Variants in SOX5 observed in about 807,000 individuals in gnomAD.
The protein encoded by SOX5 is SRY-box transcription factor 5.
In SOX5, 9 loss-of-function variants were observed where a neutral mutation model predicts 92.0. That is an observed-to-expected ratio of 0.10 (90% CI 0.06 to 0.17). The LOEUF is 0.17. Among genes scored for constraint, SOX5 ranks in the 10% least tolerant of loss-of-function variants. The pLI is 1.00. For missense variants in SOX5, 642 were observed against 944.5 expected, an observed-to-expected ratio of 0.68 and a Z score of 4.20; for synonymous variants, 344 against 336.3, an observed-to-expected ratio of 1.02 and a Z score of -0.25.
chr12:23,701,014 T>TA (rs1371676680), intron 6 of SOX5, among the ~76,000 whole-genome samples: 1 of 151,938 alleles, frequency 6.6e-6, no homozygotes, highest in Non-Finnish European at 1.5e-5. Flanking sequence ...ATGGAGTATT[T>TA]AAAAGCTTAC....
chr12:23,782,497 A>C (rs1406276222), intron 3 of SOX5, among the ~76,000 whole-genome samples: 1 of 152,140 alleles, frequency 6.6e-6, no homozygotes, highest in Non-Finnish European at 1.5e-5. Flanking sequence ...AAGTATCTAA[A>C]ACTTTCGGAT....
chr12:24,378,009 G>A (rs888771329), intron 1 of SOX5, among the ~76,000 whole-genome samples: 4 of 152,182 alleles, frequency 2.6e-5, no homozygotes, highest in Non-Finnish European at 4.4e-5. Flanking sequence ...TTCCTTACTC[G>A]CCTAAGCACA....
intron 1 of SOX5, among the ~76,000 whole-genome samples, chr12:24,415,025 C>T (rs1324212742): frequency 6.6e-6 from 1 of 152,064 alleles, no homozygotes; most frequent in African/African-American, 2.4e-5. Flanking sequence ...TGTAAAAGCC[C>T]CAAAGTGGCA....
chr12:23,915,812 G>A (rs1458644943), intron 1 of SOX5, among the ~76,000 whole-genome samples: 1 of 152,176 alleles, frequency 6.6e-6, no homozygotes, highest in Admixed American at 6.5e-5. Flanking sequence ...AGTTTCATTC[G>A]AAACTGCTAT....
intron 1 of SOX5, among the ~76,000 whole-genome samples, chr12:24,485,986 T>C (rs1001923112): frequency 3.9e-5 from 6 of 152,236 alleles, no homozygotes; most frequent in African/African-American, 1.4e-4. Flanking sequence ...AGACAGGGTA[T>C]CTGTTGCCCA....
At chr12:23,998,748 C>A (rs549355798) in intron 4 of SOX5, among the ~76,000 whole-genome samples, 30 of 145,548 alleles carry the variant, frequency 2.1e-4, no homozygotes, top group Non-Finnish European at 4.2e-4. Flanking sequence ...TTGCAATGAG[C>A]CGAGATCACG....
intron 3 of SOX5, among the ~76,000 whole-genome samples, chr12:24,247,750 A>G (rs974091763): frequency 2.7e-5 from 4 of 149,436 alleles, no homozygotes; most frequent in Admixed American, 6.7e-5. Context: ...TCCTGGGTTC[A>G]AGCAATTCCC....
chr12:24,288,320 G>A (rs1423823536), intron 2 of SOX5, among the ~76,000 whole-genome samples: 1 of 152,174 alleles, frequency 6.6e-6, no homozygotes, highest in Non-Finnish European at 1.5e-5. Flanking sequence ...TGGATTAGCA[G>A]TATTTTCATT....
intron 3 of SOX5, chr12:23,762,580 T>A (rs1350078437): frequency 1.8e-6 from 1 of 552,004 alleles, no homozygotes; most frequent in Non-Finnish European, 3.2e-6. Flanking sequence ...TTGTTTCCAC[T>A]TGAAAGTTAA....
intron 4 of SOX5, among the ~76,000 whole-genome samples, chr12:24,125,442 C>G (rs923756129): frequency 6.6e-6 from 1 of 152,118 alleles, no homozygotes; most frequent in Non-Finnish European, 1.5e-5. Flanking sequence ...GTTACTGAGG[C>G]CTTATGACAT....
chr12:24,110,439 TAAAC>T (rs1301416929), intron 4 of SOX5, among the ~76,000 whole-genome samples: 2 of 152,236 alleles, frequency 1.3e-5, no homozygotes, highest in African/African-American at 4.8e-5. Context: ...AAAAGTTTGA[TAAAC>T]AAATGGATGA....
intron 6 of SOX5, among the ~76,000 whole-genome samples, chr12:23,673,701 T>C (rs1220819053): frequency 1.3e-5 from 2 of 151,708 alleles, no homozygotes; most frequent in African/African-American, 4.8e-5. Context: ...GCAGTATTCT[T>C]ATGTTGAATT....
At chr12:24,391,989 G>A (rs1340537055) in intron 1 of SOX5, among the ~76,000 whole-genome samples, 1 of 152,036 alleles carries the variant, frequency 6.6e-6, no homozygotes, top group African/African-American at 2.4e-5. Flanking sequence ...CTCCCAATGA[G>A]TATGACTTAA....
chr12:23,623,287 A>G (rs1410836726), intron 8 of SOX5, among the ~76,000 whole-genome samples: 1 of 152,198 alleles, frequency 6.6e-6, no homozygotes, highest in East Asian at 1.9e-4. Flanking sequence ...TATAAGACAA[A>G]TGTATTAGAT....
intron 4 of SOX5, among the ~76,000 whole-genome samples, chr12:24,198,530 C>A (rs1957220138): frequency 6.6e-6 from 1 of 152,174 alleles, no homozygotes; most frequent in East Asian, 1.9e-4. Context: ...GGGTATGTGT[C>A]ACGTCTACTT....
intron 1 of SOX5, among the ~76,000 whole-genome samples, chr12:24,467,319 T>G (rs932825397): frequency 4.6e-5 from 7 of 152,218 alleles, no homozygotes; most frequent in Admixed American, 1.3e-4. Context: ...AGTTCATAAC[T>G]TAATGAGAAA....
intron 1 of SOX5, among the ~76,000 whole-genome samples, chr12:24,397,095 C>T (rs768211973): frequency 1.3e-5 from 2 of 152,082 alleles, no homozygotes; most frequent in Admixed American, 6.5e-5. Flanking sequence ...ATTTGAGGTG[C>T]GTGTTTAGAA....
At chr12:23,893,243 C>G (rs1042422367) in intron 2 of SOX5, among the ~76,000 whole-genome samples, 1 of 151,974 alleles carries the variant, frequency 6.6e-6, no homozygotes, top group Admixed American at 6.6e-5. Context: ...GTCAGGGGAT[C>G]GAGACCATCC....
At chr12:24,071,146 T>C (rs1490055066) in intron 4 of SOX5, among the ~76,000 whole-genome samples, 2 of 152,214 alleles carry the variant, frequency 1.3e-5, no homozygotes, top group African/African-American at 4.8e-5. Context: ...GCATTTATTA[T>C]ACTTAAATAA....
Sources: gnomAD v4.1 joint callset for allele counts (sites outside exome capture counted in the v4.1 genomes callset) on GRCh38, gnomAD v4.1.1 for gene constraint, MANE v1.5 for transcripts, NCBI Gene and HGNC (gene_info 2026-07-23, HGNC 2026-07-21) for gene names.